UEVLD: variants seen among roughly 807,000 people sequenced by gnomAD.
UEVLD encodes the protein UEV and lactate/malate dehyrogenase domains, also known as ubiquitin-conjugating enzyme E2 variant 3.
In UEVLD, 47 loss-of-function variants were observed where a neutral mutation model predicts 58.6. The ratio of observed to expected loss-of-function variants is 0.80; its 90% CI spans 0.63 to 1.02. UEVLD has a LOEUF of 1.02. Ranked by LOEUF, UEVLD falls within the 50% of genes least tolerant of loss-of-function variation. The pLI, the probability that UEVLD is intolerant of heterozygous loss-of-function variation, is 0.00. For missense variants in UEVLD, 510 were observed against 550.6 expected, an observed-to-expected ratio of 0.93 and a Z score of 0.74; for synonymous variants, 197 against 195.3, an observed-to-expected ratio of 1.01 and a Z score of -0.07.
At position 18,564,974 on chromosome 11, in the gene UEVLD, T is replaced by C. The variant is rs1852226108; in HGVS notation, c.530A>G (p.His177Arg). ...SDTNSKSWANHENKTVNKITV... is the reference protein window; with the variant it reads ...SDTNSKSWANRENKTVNKITV... ...AATTTTATTGACTGTTTTATTCTCA[T>C]GATTTGCCCAGCTCTTTGAATTTGT... Residue 177 changes from histidine to arginine, a missense_variant, in exon 6 of 12, where the codon CAT becomes CGT. Physicochemically the swap from His to Arg is conservative, Grantham distance 29. Transcript: ENST00000396197. The C allele has an allele frequency of 1.1e-5, 18 of 1,613,764 alleles. No homozygotes were observed. Among genetic ancestry groups the C allele is most frequent in the Non-Finnish European group, 1.5e-5 (18 of 1,179,848 alleles).
chr11:18,574,965 G>T (rs55969503), intron 3 of UEVLD, among the ~76,000 whole-genome samples: 17,122 of 152,190 alleles, frequency 0.11, 1,226 homozygotes, highest in South Asian at 0.24. Flanking sequence ...GAGCCTTTCA[G>T]AGTAGTGGTA....
At chr11:18,560,996 G>A (rs189957247) in intron 6 of UEVLD, among the ~76,000 whole-genome samples, 2 of 143,020 alleles carry the variant, frequency 1.4e-5, no homozygotes, top group African/African-American at 2.5e-5. Context: ...GGGACAGAGC[G>A]GGACTCCATC....
rs200251707 is a variant in UEVLD, at chr11:18,588,638, T to C, written c.17A>G (p.Glu6Gly). Residue 6 changes from glutamate (E) to glycine (G), a missense_variant, in exon 1 of 12, where the codon GAG becomes GGG. Transcript: ENST00000396197. ...CTTGCCAAGCAGCCGTCTCAGGCCC[T>C]CGCAGTCGAACTCCATCTCCAGGCC... Reference protein sequence around the residue: MEFDCEGLRRLLGKYK... With the variant: MEFDCGGLRRLLGKYK... The C allele has an allele frequency of 1.8e-5, 29 of 1,610,052 alleles. No individual in the cohort carries two copies. The South Asian group carries it at 3.1e-4, about 17-fold the overall frequency.
chr11:18,553,948 A>G (rs372433363), intron 7 of UEVLD, among the ~76,000 whole-genome samples: 10 of 152,200 alleles, frequency 6.6e-5, no homozygotes, highest in African/African-American at 2.4e-4. Context: ...ATGAGTACCT[A>G]AAGTCACCAA....
intron 9 of UEVLD, among the ~76,000 whole-genome samples, chr11:18,544,311 T>A (rs911221643): frequency 6.6e-6 from 1 of 152,148 alleles, no homozygotes; most frequent in Admixed American, 6.5e-5. Context: ...CTAATAATAA[T>A]GTACTTCTTT....
chr11:18,580,245 C>T (rs1853168537), intron 1 of UEVLD, among the ~76,000 whole-genome samples: 1 of 152,092 alleles, frequency 6.6e-6, no homozygotes, highest in Non-Finnish European at 1.5e-5. Context: ...CACACATACA[C>T]CACTGCCAGT....
chr11:18,565,955 G>T (rs1263220708), intron 5 of UEVLD, among the ~76,000 whole-genome samples: 1 of 142,942 alleles, frequency 7.0e-6, no homozygotes, highest in African/African-American at 2.6e-5. Context: ...CTGGAGTGCA[G>T]TTGTTCAATC....
chr11:18,565,959 T>C (rs1011400901), intron 5 of UEVLD, among the ~76,000 whole-genome samples: 9 of 149,410 alleles, frequency 6.0e-5, no homozygotes, highest in African/African-American at 2.2e-4. Context: ...AGTGCAGTTG[T>C]TCAATCTCAG....
intron 3 of UEVLD, among the ~76,000 whole-genome samples, chr11:18,571,711 TAAG>T (rs754049156): frequency 6.6e-6 from 1 of 152,176 alleles, no homozygotes; most frequent in Non-Finnish European, 1.5e-5. Flanking sequence ...GGTGTGATCT[TAAG>T]ATGATACATT....
chr11:18,537,953 G>A (rs1230881425), intron 9 of UEVLD, among the ~76,000 whole-genome samples: 2 of 152,134 alleles, frequency 1.3e-5, no homozygotes, highest in African/African-American at 4.8e-5. Context: ...GTAAGCCACT[G>A]AGCCGAACTG....
In UEVLD at chr11:18,546,798, T is replaced by C. The variant is rs528446056; in HGVS notation, c.886+82A>G. The C allele has an allele frequency of 1.6e-5, 25 of 1,528,736 alleles. No individual in the cohort carries two copies. The African/African-American group carries it at 2.9e-4, about 18-fold the overall frequency. The allele number at this position is 1,528,736 out of a possible 1,614,324, so 94.7% of individuals were successfully genotyped here. A position where few individuals can be genotyped will look rare whatever the true frequency, so the allele number is the denominator to read the frequency against. Reference sequence around the variant, plus strand: ...TGGTGTGAGCCACTGTGCCAGGCCCTAAAGTTTTATGGTTTTTATCAGTAA... The same window carrying C: ...TGGTGTGAGCCACTGTGCCAGGCCCCAAAGTTTTATGGTTTTTATCAGTAA... On this transcript the variant is annotated intron_variant, in intron 8 of 11. Coordinates refer to ENST00000396197, the MANE Select transcript of UEVLD (RefSeq NM_001040697.4).
intron 1 of UEVLD, among the ~76,000 whole-genome samples, chr11:18,585,999 A>T (rs1853539764): frequency 6.6e-6 from 1 of 152,154 alleles, no homozygotes; most frequent in Non-Finnish European, 1.5e-5. Flanking sequence ...CTTCTGAATG[A>T]ATTTTAGAAT....
chr11:18,569,223 T>C (rs1852464797), intron 4 of UEVLD, among the ~76,000 whole-genome samples: 1 of 152,172 alleles, frequency 6.6e-6, no homozygotes, highest in South Asian at 2.1e-4. Context: ...ATTATCCTTT[T>C]ATACAGATTT....
At chr11:18,561,016 A>C (rs1475270539) in intron 6 of UEVLD, among the ~76,000 whole-genome samples, 3 of 152,116 alleles carry the variant, frequency 2.0e-5, no homozygotes, top group Non-Finnish European at 2.9e-5. Context: ...CTCAAAAAAA[A>C]AAAAATGCTG....
intron 7 of UEVLD, among the ~76,000 whole-genome samples, chr11:18,554,016 A>G (rs1207153671): frequency 6.6e-6 from 1 of 152,216 alleles, no homozygotes; most frequent in Non-Finnish European, 1.5e-5. Context: ...GGATTTAAAT[A>G]TATATACTAT....
chr11:18,572,579 C>T (rs1427028060), intron 3 of UEVLD, among the ~76,000 whole-genome samples: 11 of 152,056 alleles, frequency 7.2e-5, no homozygotes, highest in African/African-American at 2.2e-4. Flanking sequence ...CAGAGGCGGG[C>T]GGATCACCAG....
chr11:18,575,507 TATACACACACAA>T, intron 2 of UEVLD, 95 bp from the exon 3 acceptor site: 1 of 1,160,140 alleles, frequency 8.6e-7, no homozygotes, highest in South Asian at 1.4e-5. Flanking sequence ...TGCTCATGAA[TATACACACACAA>T]ATACACACAC....
Position 18,575,482 on chromosome 11 carries a change from G to C in UEVLD, c.128-70C>G, listed in dbSNP as rs986501829. 13 of 1,410,470 alleles carry C rather than the reference G, an allele frequency of 9.2e-6. No homozygotes were observed. The African/African-American group carries it at 1.6e-4, about 17-fold the overall frequency. 87.4% of individuals were successfully genotyped at this position (1,410,470 alleles called of 1,614,324 possible). ...GAAAGAACTGTAGTAAAGTATGTAA[G>C]TGTGCACATGTGTGTGCTCATGAAT... On this transcript the variant is annotated intron_variant, in intron 2 of 11. Coordinates refer to ENST00000396197, the MANE Select transcript of UEVLD (RefSeq NM_001040697.4).
chr11:18,548,438 T>C (rs1851386328), intron 7 of UEVLD, among the ~76,000 whole-genome samples: 1 of 152,172 alleles, frequency 6.6e-6, no homozygotes, highest in Non-Finnish European at 1.5e-5. Flanking sequence ...TTCTTTTTTG[T>C]TTTTTGAAAT....
Sources: allele counts gnomAD v4.1 joint callset (sites outside exome capture counted in the v4.1 genomes callset), GRCh38; gene constraint gnomAD v4.1.1; transcripts MANE v1.5; gene names NCBI Gene and HGNC (gene_info 2026-07-23, HGNC 2026-07-21).